The following TCP11 variants were observed in gnomAD, a reference collection of about 807,000 sequenced individuals.
TCP11 encodes the protein T-complex protein 11 homolog.
A neutral mutation model predicts 45.0 loss-of-function variants in TCP11; 34 were observed. The ratio of observed to expected loss-of-function variants is 0.76; its 90% CI spans 0.57 to 1.01. TCP11 has a LOEUF of 1.01. Ranked by LOEUF, TCP11 falls within the 50% of genes least tolerant of loss-of-function variation. The pLI is 0.00. For missense variants in TCP11, 523 were observed against 598.1 expected (o/e 0.87, Z 1.31); for synonymous variants, 227 against 227.0 (o/e 1.00, Z 0.00).
chr6:35,128,348 T>A (rs1780049804), intron 4 of TCP11: 1 of 152,224 alleles, frequency 6.6e-6, no homozygotes. Flanking sequence ...TATGTGGCCC[T>A]CTCGATAGGC....
intron 5 of TCP11, 71 bp from the exon 6 acceptor site, chr6:35,121,116 G>A: frequency 6.8e-7 from 1 of 1,471,198 alleles, no homozygotes; most frequent in East Asian, 2.3e-5. Context: ...TTAAATCACT[G>A]TATTTTAGAG....
rs138110679 is a variant in TCP11 at position 35,119,555 on chromosome 6, T to TAGG, written c.1116-167_1116-165dup. Reference sequence around the variant, plus strand: ...CTGGCAGGCTATAGGGCCCAGTGGGTAGGTACAATGTCCTCACTGTAACCC... The same window carrying TAGG: ...CTGGCAGGCTATAGGGCCCAGTGGGTAGGAGGTACAATGTCCTCACTGTAACCC... On this transcript the variant is annotated intron_variant, in intron 8 of 9. Transcript: ENST00000311875. Among the ~76,000 whole-genome samples, 70 of 152,306 alleles carry TAGG rather than the reference T, an allele frequency of 4.6e-4. 2 individuals are homozygous for TAGG. In the East Asian group the frequency reaches 0.013, roughly 29 times the overall value.
intron 4 of TCP11, among the ~76,000 whole-genome samples, chr6:35,122,819 C>T (rs1212880018): frequency 6.6e-6 from 1 of 152,164 alleles, no homozygotes; most frequent in African/African-American, 2.4e-5. Context: ...CTCTGTAACA[C>T]ACAGGACATG....
chr6:35,129,266 T>G (rs1005172278), intron 3 of TCP11, 84 bp from the exon 4 acceptor site: 3 of 1,499,320 alleles, frequency 2.0e-6, no homozygotes, highest in Admixed American at 4.5e-5. Context: ...CAAACTGAAT[T>G]TGATATGGTA....
Position 35,140,416 on chromosome 6 carries a change from C to A in TCP11, c.124+331G>T, listed in dbSNP as rs1442878291. 1.9e-5 allele frequency: 10 copies of A among 528,044 alleles called. No homozygotes were observed. The African/African-American group carries it at 1.9e-4, about 10-fold the overall frequency. 32.7% of individuals were successfully genotyped at this position (528,044 alleles called of 1,614,324 possible). A position where few individuals can be genotyped will look rare whatever the true frequency, so the allele number is the denominator to read the frequency against. The stretch of plus-strand genomic sequence containing the variant: ...AGAAAACCCAATTCCCGTCTGGGAT[C>A]ATTTGGGTTCTTTAAAATCAATCCC... On this transcript the variant is annotated intron_variant, in intron 2 of 9. Transcript: ENST00000311875.
At chr6:35,135,973 A>T in intron 3 of TCP11, 134 bp downstream of exon 3, 1 of 557,352 alleles carries the variant, frequency 1.8e-6, no homozygotes, top group Non-Finnish European at 3.1e-6. Context: ...TCTTCTGTTT[A>T]AGTTGTTGAG....
chr6:35,119,523 C>G, intron 8 of TCP11, 132 bp from the exon 9 acceptor site: 1 of 1,137,686 alleles, frequency 8.8e-7, no homozygotes, highest in Non-Finnish European at 1.2e-6. Context: ...CCCCTAAACC[C>G]CAGCCCCTGG....
intron 3 of TCP11, among the ~76,000 whole-genome samples, chr6:35,130,079 A>C (rs1269587292): frequency 6.6e-6 from 1 of 152,186 alleles, no homozygotes; most frequent in Non-Finnish European, 1.5e-5. Context: ...CACTGCACCC[A>C]GCCAAGGCAA....
At chr6:35,125,535 A>G (rs571529986) in intron 4 of TCP11, among the ~76,000 whole-genome samples, 1 of 152,360 alleles carries the variant, frequency 6.6e-6, no homozygotes, top group South Asian at 2.1e-4. Context: ...GGATGTGGAG[A>G]AATTGGAACC....
chr6:35,121,158 C>T, intron 5 of TCP11, 113 bp from the exon 6 acceptor site: 3 of 1,240,574 alleles, frequency 2.4e-6, no homozygotes, highest in Admixed American at 2.4e-5. Flanking sequence ...CTTAGTCTTA[C>T]CTCCTACATT....
At chr6:35,134,847 G>A (rs1223441788) in intron 3 of TCP11, among the ~76,000 whole-genome samples, 1 of 152,018 alleles carries the variant, frequency 6.6e-6, no homozygotes, top group African/African-American at 2.4e-5. Flanking sequence ...CTCATTTATA[G>A]CAAACAGAAT....
chr6:35,121,210 G>A (rs1385482585), intron 5 of TCP11, among the ~76,000 whole-genome samples, 165 bp from the exon 6 acceptor site: 3 of 152,148 alleles, frequency 2.0e-5, no homozygotes, highest in Non-Finnish European at 4.4e-5. Context: ...TACCCAGGGT[G>A]AGTCAGTGGC....
intron 3 of TCP11, 46 bp from the exon 4 acceptor site, chr6:35,129,228 A>G: frequency 6.3e-7 from 1 of 1,588,292 alleles, no homozygotes; most frequent in South Asian, 1.2e-5. Context: ...ACCCAAAAAC[A>G]GTTACAGTGT....
Position 35,140,833 on chromosome 6 carries a change from G to T in TCP11, c.38C>A (p.Pro13His), listed in dbSNP as rs762189731. ...ACAGGACCTGCCCTCTGAGTCGCCA[G>T]GATATTTCGGGGGCACACTCTCCTT... is the stretch of plus-strand genomic sequence containing the variant. ...DVKESVPPKY[P>H]GDSEGRSCKP... Residue 13 changes from proline (P) to histidine (H), a missense_variant, in exon 2 of 10, where the codon CCT becomes CAT. By Grantham distance (77) the Pro-to-His change is moderately conservative. Coordinates refer to ENST00000311875, the MANE Select transcript of TCP11 (RefSeq NM_001370687.1). The T allele has an allele frequency of 1.3e-6, 2 of 1,562,680 alleles. No individual in the cohort carries two copies. Among genetic ancestry groups the T allele is most frequent in the Admixed American group, 4.0e-5 (2 of 50,592 alleles).
rs1779048888 is a variant in TCP11 at position 35,120,031 on chromosome 6, A to G, written c.1115+128T>C. On this transcript the variant is annotated intron_variant, in intron 8 of 9. Coordinates refer to ENST00000311875, the MANE Select transcript of TCP11 (RefSeq NM_001370687.1). The surrounding 1 kb of genome is among the most constrained non-coding windows in gnomAD (Gnocchi z 4.9). ...GACCACTTATGGAAAGAAACCAACA[A>G]TCTTTGTAGATGGTTCCACAGGGCC... 8.1e-7 allele frequency: 1 copy of G among 1,233,594 alleles called. No individual in the cohort carries two copies. Among genetic ancestry groups the G allele is most frequent in the Admixed American group, 2.8e-5 (1 of 35,460 alleles). 76.4% of individuals were successfully genotyped at this position (1,233,594 alleles called of 1,614,324 possible).
At chr6:35,132,863 C>A (rs559098651) in intron 3 of TCP11, among the ~76,000 whole-genome samples, 1 of 151,906 alleles carries the variant, frequency 6.6e-6, no homozygotes, top group African/African-American at 2.4e-5. Flanking sequence ...TTTCTCTCCT[C>A]CCCTGTGAGC....
chr6:35,140,248 C>T, intron 2 of TCP11: 1 of 1,489,372 alleles, frequency 6.7e-7, no homozygotes, highest in East Asian at 2.6e-5. Context: ...AGAAATACAG[C>T]ATGAGTCCCA....
At chr6:35,140,718 G>A (rs1581864938) in intron 2 of TCP11, 29 bp downstream of exon 2, 3 of 1,498,746 alleles carry the variant, frequency 2.0e-6, no homozygotes, top group African/African-American at 1.4e-5. Context: ...CCCCCTAGGG[G>A]GCCACAGGGA....
intron 3 of TCP11, among the ~76,000 whole-genome samples, chr6:35,134,873 C>G: frequency 6.6e-6 from 1 of 151,930 alleles, no homozygotes; most frequent in East Asian, 1.9e-4. Context: ...AGAAGCGGGC[C>G]GGGTACGGTG....
Sources: allele counts gnomAD v4.1 joint callset (sites outside exome capture counted in the v4.1 genomes callset), GRCh38; gene constraint gnomAD v4.1.1; non-coding constraint Gnocchi (gnomAD v3.1); transcripts MANE v1.5; gene names NCBI Gene and HGNC (gene_info 2026-07-23, HGNC 2026-07-21).